RRP12: variants seen among roughly 807,000 people sequenced by gnomAD.
RRP12 encodes the protein RRP12-like protein.
In RRP12, 78 loss-of-function variants were observed where a neutral mutation model predicts 157.3. That is an observed-to-expected ratio of 0.50 (90% CI 0.41 to 0.60). The LOEUF (loss-of-function observed/expected upper bound fraction) is 0.60. RRP12 is among the 20% of genes least tolerant of loss of function. The pLI, the probability that RRP12 is intolerant of heterozygous loss-of-function variation, is 0.00. For synonymous variants in RRP12, 726 were observed against 670.9 expected, an observed-to-expected ratio of 1.08 and a Z score of -1.27; for missense variants, 1,521 against 1,679.9, an observed-to-expected ratio of 0.91 and a Z score of 1.65.
intron 4 of RRP12, chr10:97,393,221 T>TC (rs1844857972): frequency 2.2e-6 from 1 of 448,998 alleles, no homozygotes; most frequent in Non-Finnish European, 4.5e-6. Context: ...GCTTTTGCCT[T>TC]CAACACTTTC....
chr10:97,361,358 C>T (rs1316195211), intron 30 of RRP12, among the ~76,000 whole-genome samples: 2 of 152,206 alleles, frequency 1.3e-5, no homozygotes, highest in African/African-American at 4.8e-5. Flanking sequence ...ACAACCAGGC[C>T]AGGCAGAGGC....
intron 8 of RRP12, among the ~76,000 whole-genome samples, chr10:97,387,778 T>C (rs995050707): frequency 6.6e-6 from 1 of 151,546 alleles, no homozygotes. Context: ...CCATCTCTAC[T>C]AAAAATACAA....
At position 97,357,087 on chromosome 10, in the gene RRP12, C is replaced by G. The variant is rs745722202; in HGVS notation, c.*7G>C. The G allele has an allele frequency of 1.3e-6, 2 of 1,596,466 alleles. No homozygotes were observed. Among genetic ancestry groups the G allele is most frequent in the Non-Finnish European group, 1.7e-6 (2 of 1,164,692 alleles). The stretch of plus-strand genomic sequence containing the variant: ...TGGACCACAGGGCAGCCCAGGGGCC[C>G]TGGGCCTCAGGGTCGACGATCCTTT... On this transcript the variant is annotated 3_prime_UTR_variant, in exon 34 of 34. Transcript: ENST00000370992.
rs1011187375 is a variant in RRP12 at position 97,366,724 on chromosome 10, G to C, written c.3215+18C>G. On this transcript the variant is annotated intron_variant, in intron 27 of 33. Coordinates refer to ENST00000370992, the MANE Select transcript of RRP12 (RefSeq NM_015179.4). ...GGTTGGGGGGACACCGGGTCCCATGGCCCTAACATGGTCTCACCTGTCACC... is the reference window on the plus strand; with the variant it reads ...GGTTGGGGGGACACCGGGTCCCATGCCCCTAACATGGTCTCACCTGTCACC... The C allele has an allele frequency of 1.2e-6, 2 of 1,609,874 alleles. No homozygotes were observed. The highest frequency in any genetic ancestry group is 3.3e-5 in the Admixed American group (2 of 59,808).
At chr10:97,362,787 A>G (rs2135000725) in intron 30 of RRP12, among the ~76,000 whole-genome samples, 1 of 152,350 alleles carries the variant, frequency 6.6e-6, no homozygotes, top group East Asian at 1.9e-4. Context: ...CTCTTCAAAC[A>G]GAATTCTGCG....
intron 29 of RRP12, among the ~76,000 whole-genome samples, chr10:97,364,301 T>G (rs1364916913): frequency 6.6e-6 from 1 of 152,192 alleles, no homozygotes; most frequent in African/African-American, 2.4e-5. Context: ...TTCATTCTCC[T>G]GTTTGAAATC....
At chr10:97,380,542 T>C (rs1417838709) in intron 13 of RRP12, among the ~76,000 whole-genome samples, 4 of 152,268 alleles carry the variant, frequency 2.6e-5, no homozygotes, top group Middle Eastern at 3.4e-3. Flanking sequence ...GGAAAGCAAA[T>C]AGACTCCCTA....
intron 15 of RRP12, among the ~76,000 whole-genome samples, chr10:97,374,216 C>T (rs1844241114): frequency 6.6e-6 from 1 of 152,096 alleles, no homozygotes; most frequent in South Asian, 2.1e-4. Context: ...GTGGCCTAGG[C>T]TGGAATACAG....
At position 97,401,209 on chromosome 10, in the gene RRP12, G is replaced by A. The variant is rs751299024; in HGVS notation, c.23C>T (p.Pro8Leu). 4 of 1,614,156 alleles carry A rather than the reference G, an allele frequency of 2.5e-6. No individual in the cohort carries two copies. The highest frequency in any genetic ancestry group is 3.4e-6 in the Non-Finnish European group (4 of 1,180,040). Residue 8 changes from proline to leucine, a missense_variant, in exon 1 of 34, where the codon CCT becomes CTT. Physicochemically the swap from Pro to Leu is moderately conservative, Grantham distance 98. Coordinates refer to ENST00000370992, the MANE Select transcript of RRP12 (RefSeq NM_015179.4). MGRSGKL[P>L]SGVSAKLKRW... ...CTTCAACTTAGCTGAGACACCAGAAGGCAACTTTCCCGAGCGACCCATGTT... is the reference window on the plus strand; with the variant it reads ...CTTCAACTTAGCTGAGACACCAGAAAGCAACTTTCCCGAGCGACCCATGTT...
chr10:97,368,975 G>T (rs1431301933), intron 25 of RRP12, among the ~76,000 whole-genome samples: 3 of 152,160 alleles, frequency 2.0e-5, no homozygotes, highest in African/African-American at 7.2e-5. Context: ...ATACCAAGGG[G>T]CTCTTCAGAT....
At chr10:97,399,708 C>A (rs10786343) in intron 2 of RRP12, among the ~76,000 whole-genome samples, 54,345 of 146,988 alleles carry the variant, frequency 0.37, 10,159 homozygotes, top group African/African-American at 0.47. Flanking sequence ...TACACACACA[C>A]AAAAAATTAG....
intron 10 of RRP12, among the ~76,000 whole-genome samples, chr10:97,384,627 C>T (rs1844567117): frequency 6.6e-6 from 1 of 150,948 alleles, no homozygotes; most frequent in African/African-American, 2.4e-5. Context: ...ACCCTGAGGA[C>T]CCCCAATCTC....
intron 15 of RRP12, among the ~76,000 whole-genome samples, chr10:97,375,746 C>CT (rs1349039424): frequency 6.6e-6 from 1 of 152,030 alleles, no homozygotes; most frequent in Non-Finnish European, 1.5e-5. Context: ...TCAGGAAAAA[C>CT]TTTAAGTTAC....
chr10:97,398,040 T>TATATATATATA, intron 2 of RRP12, among the ~76,000 whole-genome samples: 3 of 33,598 alleles, frequency 8.9e-5, no homozygotes, highest in Non-Finnish European at 1.7e-4. Flanking sequence ...TATATACGTA[T>TATATATATATA]TTTTTTTTTT....
At chr10:97,367,237 G>A in intron 25 of RRP12, 105 bp from the exon 26 acceptor site, 1 of 985,338 alleles carries the variant, frequency 1.0e-6, no homozygotes, top group Non-Finnish European at 1.6e-6. Flanking sequence ...CCAGCTGAGG[G>A]GAGGGTTAGC....
At chr10:97,388,416 C>A in intron 7 of RRP12, 37 bp from the exon 8 acceptor site, 2 of 1,613,140 alleles carry the variant, frequency 1.2e-6, no homozygotes, top group East Asian at 2.2e-5. Flanking sequence ...ACCAGCCCCG[C>A]CCTACCGCAG....
Position 97,372,185 on chromosome 10 carries a change from C to A in RRP12, c.2250-19G>T. Reference sequence around the variant, plus strand: ...AGACAATCTGCTCGGGGCAGGAGGACAAGGAGAGGGATGGGGAGCTGGAGA... The same window carrying A: ...AGACAATCTGCTCGGGGCAGGAGGAAAAGGAGAGGGATGGGGAGCTGGAGA... On this transcript the variant is annotated intron_variant, in intron 19 of 33. Transcript: ENST00000370992. 6.2e-7 allele frequency: 1 copy of A among 1,603,048 alleles called. No homozygotes were observed. The highest frequency in any genetic ancestry group is 8.5e-7 in the Non-Finnish European group (1 of 1,171,750).
At position 97,367,386 on chromosome 10, in the gene RRP12, A is replaced by T. The variant is rs1351230801; in HGVS notation, c.2956-254T>A. ...TGAGAGCTTTAGTCTTCTCAACAGC[A>T]CTTGGTACTTGACATATATCCTCTC... On this transcript the variant is annotated intron_variant, in intron 25 of 33. Transcript: ENST00000370992. The T allele has an allele frequency of 1.1e-5, 6 of 561,064 alleles. No homozygotes were observed. In the East Asian group the frequency reaches 1.8e-4, roughly 17 times the overall value. The allele number at this position is 561,064 out of a possible 1,614,324, so 34.8% of individuals were successfully genotyped here.
chr10:97,401,328 T>G lies in RRP12; in HGVS notation c.-97A>C, dbSNP rs1036803996. ...CACGTGGATACCCTGTAGCCTTCAC[T>G]TCCTCTTCTTCTGGCGTCACTTCCG... On this transcript the variant is annotated 5_prime_UTR_variant, in exon 1 of 34. Transcript: ENST00000370992. 2.4e-5 allele frequency: 35 copies of G among 1,454,956 alleles called. No homozygotes were observed. The highest frequency in any genetic ancestry group is 3.7e-5 in the South Asian group (3 of 81,328). The allele number at this position is 1,454,956 out of a possible 1,614,324, so 90.1% of individuals were successfully genotyped here.
Sources: gnomAD v4.1 joint callset for allele counts (sites outside exome capture counted in the v4.1 genomes callset) on GRCh38, gnomAD v4.1.1 for gene constraint, MANE v1.5 for transcripts, NCBI Gene and HGNC (gene_info 2026-07-23, HGNC 2026-07-21) for gene names.